CCNB3: variants seen among roughly 807,000 people sequenced by gnomAD.
CCNB3 encodes the protein cyclin B3, also known as G2/mitotic-specific cyclin-B3.
CCNB3 carries 12 observed loss-of-function variants against 68.0 expected under a neutral mutation model. The observed-to-expected ratio is 0.18, with a 90% CI of 0.11 to 0.29. CCNB3 has a LOEUF of 0.29. Among genes scored for constraint, CCNB3 ranks in the 10% least tolerant of loss-of-function variants. The pLI is 1.00. For missense variants in CCNB3, 904 were observed against 993.1 expected (o/e 0.91, Z 1.21); for synonymous variants, 354 against 388.9 (o/e 0.91, Z 1.06).
chrX:50,227,644 G>C (rs1235304027), intron 1 of CCNB3, among the ~76,000 whole-genome samples: 2 of 76,159 alleles, frequency 2.6e-5, no homozygotes, highest in African/African-American at 5.0e-5. Flanking sequence ...CATATATATA[G>C]AGAGAATATA....
chrX:50,281,852 G>A (rs999732017), intron 1 of CCNB3, among the ~76,000 whole-genome samples: 2 of 111,223 alleles, frequency 1.8e-5, no homozygotes, highest in East Asian at 5.7e-4. Context: ...ACAGGTTGAA[G>A]GATATGAAGG....
chrX:50,279,116 T>C (rs1936013087), intron 1 of CCNB3, among the ~76,000 whole-genome samples: 1 of 61,923 alleles, frequency 1.6e-5, no homozygotes, highest in Non-Finnish European at 2.7e-5. Context: ...TATATAAATA[T>C]ATAGAATATA....
intron 8 of CCNB3, among the ~76,000 whole-genome samples, chrX:50,341,507 G>A (rs1399976049): frequency 9.8e-6 from 1 of 102,358 alleles, no homozygotes; most frequent in South Asian, 4.3e-4. Context: ...TAATAAAGAC[G>A]ATGGCAAGAA....
At chrX:50,283,295 G>A (rs893669445) in intron 1 of CCNB3, among the ~76,000 whole-genome samples, 3 of 110,808 alleles carry the variant, frequency 2.7e-5, no homozygotes, top group Non-Finnish European at 5.7e-5. Flanking sequence ...GAGTGTGATC[G>A]AAGAGACTTC....
chrX:50,330,351 A>G (rs1353206425), intron 8 of CCNB3, among the ~76,000 whole-genome samples: 2 of 111,690 alleles, frequency 1.8e-5, no homozygotes, highest in Admixed American at 9.5e-5. Flanking sequence ...CCTGGAATGC[A>G]GCGCCAGACT....
intron 1 of CCNB3, among the ~76,000 whole-genome samples, chrX:50,223,509 A>G (rs1935705754): frequency 8.9e-6 from 1 of 111,884 alleles, no homozygotes; most frequent in African/African-American, 3.2e-5. Flanking sequence ...TTTTCCTTCT[A>G]ACAGTCAGGC....
intron 8 of CCNB3, among the ~76,000 whole-genome samples, chrX:50,322,280 C>T (rs1180108838): frequency 9.0e-6 from 1 of 110,505 alleles, no homozygotes; most frequent in Non-Finnish European, 1.9e-5. Context: ...CATCTACCAC[C>T]ATCTGATCTT....
chrX:50,309,447 T>C lies in CCNB3; in HGVS notation c.1278T>C (p.Thr426=), dbSNP rs781817587. The C allele has an allele frequency of 8.3e-7, 1 of 1,211,231 alleles. No individual in the cohort carries two copies. The highest frequency in any genetic ancestry group is 1.1e-6 in the Non-Finnish European group (1 of 895,111). Residue 426 remains threonine (T), a synonymous_variant, in exon 6 of 13, where the codon ACT becomes ACC. Coordinates refer to ENST00000376042, the MANE Select transcript of CCNB3 (RefSeq NM_033031.3). ...KPLSIKEKPS[T]EKESFSQEPS... is the part of the protein sequence containing the mutation. ...TGTCCATTAAAGAAAAGCCATCTAC[T>C]GAGAAGGAGTCCTTTTCCCAGGAAC... is the stretch of plus-strand genomic sequence containing the variant.
intron 5 of CCNB3, among the ~76,000 whole-genome samples, chrX:50,304,909 C>T (rs1348561350): frequency 8.9e-6 from 1 of 112,212 alleles, no homozygotes; most frequent in Non-Finnish European, 1.9e-5. Flanking sequence ...AAAAAATGCT[C>T]ATTATCACTG....
intron 1 of CCNB3, among the ~76,000 whole-genome samples, chrX:50,206,151 G>A (rs1935357766): frequency 9.0e-6 from 1 of 110,682 alleles, no homozygotes; most frequent in Non-Finnish European, 1.9e-5. Context: ...GCTGAGGCAG[G>A]AAAATCACTT....
chrX:50,213,196 A>G (rs1393373709), intron 1 of CCNB3, among the ~76,000 whole-genome samples: 1 of 112,014 alleles, frequency 8.9e-6, no homozygotes, highest in Non-Finnish European at 1.9e-5. Context: ...TATCTTAACA[A>G]TATTAAGTAA....
intron 3 of CCNB3, among the ~76,000 whole-genome samples, chrX:50,285,649 A>C (rs1048835374): frequency 1.2e-4 from 13 of 111,519 alleles, no homozygotes; most frequent in Non-Finnish European, 2.3e-4. Flanking sequence ...ATAGCTATTA[A>C]ATTTGAAGAA....
intron 1 of CCNB3, among the ~76,000 whole-genome samples, chrX:50,280,021 A>T (rs1255577435): frequency 1.2e-5 from 1 of 86,194 alleles, no homozygotes; most frequent in South Asian, 5.2e-4. Flanking sequence ...AAATATATAG[A>T]ATATATATAA....
chrX:50,298,361 A>G (rs2147042175), intron 5 of CCNB3, among the ~76,000 whole-genome samples: 1 of 111,638 alleles, frequency 9.0e-6, no homozygotes, highest in African/African-American at 3.2e-5. Flanking sequence ...AATTTTGTCA[A>G]AGGCCTTTTC....
intron 1 of CCNB3, among the ~76,000 whole-genome samples, chrX:50,218,355 A>T (rs1210977152): frequency 9.0e-6 from 1 of 111,409 alleles, no homozygotes; most frequent in East Asian, 2.8e-4. Flanking sequence ...ATCGGTATAC[A>T]TGTGCCATGG....
At chrX:50,346,214 C>T (rs782455245) in intron 9 of CCNB3, among the ~76,000 whole-genome samples, 1 of 111,896 alleles carries the variant, frequency 8.9e-6, no homozygotes, top group East Asian at 2.9e-4. Context: ...CTCAAACATC[C>T]TTACTCATTC....
At chrX:50,346,863 ACCC>A in intron 10 of CCNB3, 56 bp downstream of exon 10, 1 of 1,117,381 alleles carries the variant, frequency 8.9e-7, no homozygotes, top group Non-Finnish European at 1.2e-6. Flanking sequence ...TCTCCTTTAT[ACCC>A]AGAGTAGCTG....
intron 5 of CCNB3, among the ~76,000 whole-genome samples, chrX:50,301,566 G>A (rs1936636914): frequency 8.9e-6 from 1 of 112,522 alleles, no homozygotes; most frequent in East Asian, 2.8e-4. Context: ...CTCCCAGTTA[G>A]GCTACTCAGG....
chrX:50,214,903 G>GT (rs1254050713), intron 1 of CCNB3, among the ~76,000 whole-genome samples: 45 of 101,530 alleles, frequency 4.4e-4, no homozygotes, highest in South Asian at 1.8e-3. Context: ...TCAGTTCAGT[G>GT]TTTTTTTTTT....
Sources: allele counts gnomAD v4.1 joint callset (sites outside exome capture counted in the v4.1 genomes callset), GRCh38; gene constraint gnomAD v4.1.1; transcripts MANE v1.5; gene names NCBI Gene and HGNC (gene_info 2026-07-23, HGNC 2026-07-21).